Variants in GNAZ observed in about 807,000 individuals in gnomAD.
The protein encoded by GNAZ is G protein subunit alpha z.
Under a neutral mutation model 25.4 loss-of-function variants are expected in GNAZ, and 3 were observed. That is an observed-to-expected ratio of 0.12 (90% confidence interval 0.05 to 0.30). The LOEUF (loss-of-function observed/expected upper bound fraction) is 0.30. GNAZ is among the 10% of genes least tolerant of loss of function. GNAZ has a pLI of 1.00. For synonymous variants in GNAZ, 211 were observed against 205.7 expected, an observed-to-expected ratio of 1.03 and a Z score of -0.22; for missense variants, 241 against 501.8, an observed-to-expected ratio of 0.48 and a Z score of 4.97.
In GNAZ at chr22:23,078,839, G is replaced by A. The variant is rs569475286; in HGVS notation, c.-450+8269G>A. Among the ~76,000 whole-genome samples the A allele has an allele frequency of 2.0e-5, 3 of 152,342 alleles. No individual in the cohort carries two copies. In the South Asian group the frequency reaches 6.2e-4, roughly 32 times the overall value. On this transcript the variant is annotated intron_variant, in intron 1 of 2. Transcript: ENST00000615612. ...GCCCCAAAGGGCTTACAAGATGAGG[G>A]GACATCCTGGCTCCCGGGCCTGAGG... is the stretch of plus-strand genomic sequence containing the variant.
At chr22:23,090,122 A>G (rs1208662088) in intron 1 of GNAZ, among the ~76,000 whole-genome samples, 2 of 152,000 alleles carry the variant, frequency 1.3e-5, no homozygotes, top group Non-Finnish European at 2.9e-5. Flanking sequence ...GATACAGTCC[A>G]CTCATCTGTA....
intron 2 of GNAZ, among the ~76,000 whole-genome samples, chr22:23,118,489 G>A (rs538326866): frequency 5.6e-5 from 7 of 125,916 alleles, no homozygotes; most frequent in East Asian, 2.5e-4. Flanking sequence ...CCCACCCCCC[G>A]CGGCTGCCTT....
At chr22:23,108,316 A>G (rs1202305924) in intron 2 of GNAZ, among the ~76,000 whole-genome samples, 1 of 152,262 alleles carries the variant, frequency 6.6e-6, no homozygotes, top group East Asian at 1.9e-4. Flanking sequence ...AACAGGGGCC[A>G]ATGGTGCTAA....
At chr22:23,097,306 A>G (rs998572939) in intron 2 of GNAZ, among the ~76,000 whole-genome samples, 7 of 152,134 alleles carry the variant, frequency 4.6e-5, no homozygotes, top group South Asian at 2.1e-4. Context: ...TCCTTGCTTC[A>G]CCCAGTCCTA....
intron 1 of GNAZ, among the ~76,000 whole-genome samples, chr22:23,088,937 C>A (rs554911752): frequency 3.3e-5 from 5 of 152,344 alleles, no homozygotes; most frequent in African/African-American, 1.2e-4. Context: ...GCCTGTGCCT[C>A]TCCCCCAGTC....
chr22:23,094,805 G>A (rs761905362), intron 1 of GNAZ, among the ~76,000 whole-genome samples: 2 of 152,238 alleles, frequency 1.3e-5, no homozygotes, highest in Non-Finnish European at 2.9e-5. Context: ...GGTAATGAGA[G>A]TCAGGGAGGC....
chr22:23,113,879 C>T (rs568026995), intron 2 of GNAZ, among the ~76,000 whole-genome samples: 91 of 152,370 alleles, frequency 6.0e-4, no homozygotes, highest in African/African-American at 2.1e-3. Flanking sequence ...CAGCCAAGGG[C>T]AGGCACCCGC....
chr22:23,074,028 T>C (rs1454883218), intron 1 of GNAZ, among the ~76,000 whole-genome samples: 6 of 151,964 alleles, frequency 3.9e-5, no homozygotes, highest in Non-Finnish European at 1.5e-5. Context: ...GAGCAGACAC[T>C]CCCTGGCCCC....
chr22:23,111,860 AGTGGGCT>A (rs1466746580), intron 2 of GNAZ, among the ~76,000 whole-genome samples: 6 of 152,214 alleles, frequency 3.9e-5, no homozygotes, highest in Non-Finnish European at 7.3e-5. Context: ...GGCAGTGGGC[AGTGGGCT>A]GTCTGAAACC....
At chr22:23,077,203 C>G (rs912976330) in intron 1 of GNAZ, among the ~76,000 whole-genome samples, 3 of 152,170 alleles carry the variant, frequency 2.0e-5, no homozygotes, top group Admixed American at 6.5e-5. Context: ...CACCCTATCT[C>G]TCCTTACATG....
chr22:23,114,330 G>A (rs1601826940), intron 2 of GNAZ, among the ~76,000 whole-genome samples: 1 of 152,234 alleles, frequency 6.6e-6, no homozygotes, highest in East Asian at 1.9e-4. Flanking sequence ...GTCTGTAACA[G>A]AACTGAGGAC....
intron 1 of GNAZ, among the ~76,000 whole-genome samples, chr22:23,078,528 C>T (rs1051616743): frequency 1.3e-5 from 2 of 152,350 alleles, no homozygotes; most frequent in South Asian, 4.1e-4. Context: ...CCTCAGTCTC[C>T]AGTGTGTTTG....
At chr22:23,122,090 A>G (rs1420122274) in intron 2 of GNAZ, among the ~76,000 whole-genome samples, 1 of 152,106 alleles carries the variant, frequency 6.6e-6, no homozygotes, top group Non-Finnish European at 1.5e-5. Flanking sequence ...GATTTTTGAT[A>G]TTTTGCTCAT....
intron 1 of GNAZ, among the ~76,000 whole-genome samples, chr22:23,079,835 A>G (rs1027591217): frequency 5.9e-5 from 9 of 152,160 alleles, no homozygotes; most frequent in Non-Finnish European, 1.2e-4. Context: ...TCTCAAGGAA[A>G]GGGACGCAGG....
At position 23,080,064 on chromosome 22, in the gene GNAZ, G is replaced by A. The variant is rs75247958; in HGVS notation, c.-450+9494G>A. On this transcript the variant is annotated intron_variant, in intron 1 of 2. Transcript: ENST00000615612. ...TGGGGAGCCAGGAGCCTGGGGCTAC[G>A]GCTCTCTCCAAGGCAGCAACCTCTT... 4.1e-3 allele frequency among the ~76,000 whole-genome samples: 617 copies of A among 152,290 alleles called. 4 individuals carry two copies. Among genetic ancestry groups the A allele is most frequent in the African/African-American group, 0.014 (573 of 41,552 alleles).
chr22:23,095,627 T>C lies in GNAZ; in HGVS notation c.-69T>C, dbSNP rs947022224. ...TGGGCTCTTGTCTGCCTGGTCTCAG[T>C]GTCCCCTGTGGCAAGAGGGAGAGGT... is the stretch of plus-strand genomic sequence containing the variant. On this transcript the variant is annotated 5_prime_UTR_variant, in exon 2 of 3. Transcript: ENST00000615612. 2.4e-5 allele frequency: 37 copies of C among 1,514,108 alleles called. 1 individual carries two copies. The South Asian group carries it at 4.0e-4, about 16-fold the overall frequency. 93.8% of individuals were successfully genotyped at this position (1,514,108 alleles called of 1,614,324 possible).
intron 1 of GNAZ, 162 bp downstream of exon 1, chr22:23,070,732 A>T (rs1468330049): frequency 2.0e-5 from 3 of 151,960 alleles, no homozygotes; most frequent in Non-Finnish European, 4.4e-5. Context: ...GGTGGGGGAC[A>T]CCAAGGGCGG....
intron 1 of GNAZ, among the ~76,000 whole-genome samples, chr22:23,094,739 G>C (rs2069075466): frequency 6.6e-6 from 1 of 152,234 alleles, no homozygotes. Context: ...CAGGGGCCAG[G>C]TCTCCCTCCT....
chr22:23,124,634 G>C lies in GNAZ; in HGVS notation c.*1203G>C, dbSNP rs1348586583. On this transcript the variant is annotated 3_prime_UTR_variant, in exon 3 of 3. Transcript: ENST00000615612. ...TGTGGCTTTGCTGAGTGAAGGAAGG[G>C]GAGCAAGGGGTGGTGCCCCTGGTCC... 4.6e-6 allele frequency: 1 copy of C among 218,836 alleles called. No homozygotes were observed. Among genetic ancestry groups the C allele is most frequent in the Non-Finnish European group, 9.7e-6 (1 of 103,364 alleles). The allele number at this position is 218,836 out of a possible 1,614,324, so 13.6% of individuals were successfully genotyped here. A position where few individuals can be genotyped will look rare whatever the true frequency, so the allele number is the denominator to read the frequency against.
Sources: allele counts gnomAD v4.1 joint callset (sites outside exome capture counted in the v4.1 genomes callset), GRCh38; gene constraint gnomAD v4.1.1; transcripts MANE v1.5; gene names NCBI Gene and HGNC (gene_info 2026-07-23, HGNC 2026-07-21).